MLLT10: variants seen among roughly 807,000 people sequenced by gnomAD.
MLLT10 encodes protein AF-10.
Under a neutral mutation model 129.1 loss-of-function variants are expected in MLLT10, and 30 were observed. The observed-to-expected ratio is 0.23, with a 90% CI of 0.17 to 0.32. The LOEUF is 0.32. Among genes scored for constraint, MLLT10 ranks in the 10% least tolerant of loss-of-function variants. The pLI is 1.00. For missense variants in MLLT10, 1,119 were observed against 1,268.3 expected, an observed-to-expected ratio of 0.88 and a Z score of 1.79; for synonymous variants, 490 against 446.4, an observed-to-expected ratio of 1.10 and a Z score of -1.23.
chr10:21,590,503 T>C (rs2042392383), intron 4 of MLLT10, among the ~76,000 whole-genome samples: 1 of 152,108 alleles, frequency 6.6e-6, no homozygotes, highest in South Asian at 2.1e-4. Context: ...CATGCCCAGC[T>C]AATTTTTGTA....
intron 3 of MLLT10, among the ~76,000 whole-genome samples, chr10:21,560,458 C>G (rs944412550): frequency 1.3e-4 from 20 of 152,112 alleles, no homozygotes; most frequent in Middle Eastern, 3.2e-3. Flanking sequence ...GTTTTTGAGA[C>G]AGGGTCTAGT....
chr10:21,659,987 CTT>C (rs1324313414), intron 9 of MLLT10, among the ~76,000 whole-genome samples: 1 of 151,644 alleles, frequency 6.6e-6, no homozygotes, highest in Non-Finnish European at 1.5e-5. Flanking sequence ...CTTGCTTAAA[CTT>C]TTTTTTGAGA....
intron 16 of MLLT10, among the ~76,000 whole-genome samples, chr10:21,729,265 C>T (rs772771878): frequency 6.6e-6 from 1 of 151,966 alleles, no homozygotes; most frequent in Non-Finnish European, 1.5e-5. Context: ...TTCTCTGTTG[C>T]CCTTTTAAAC....
At chr10:21,593,904 C>G (rs1000880904) in intron 4 of MLLT10, among the ~76,000 whole-genome samples, 1 of 112,000 alleles carries the variant, frequency 8.9e-6, no homozygotes, top group Non-Finnish European at 1.7e-5. Flanking sequence ...CCAGCCTGGG[C>G]GACAGACCAA....
intron 13 of MLLT10, among the ~76,000 whole-genome samples, chr10:21,705,279 TG>T (rs979688303): frequency 1.3e-5 from 2 of 151,868 alleles, no homozygotes; most frequent in African/African-American, 4.8e-5. Flanking sequence ...AGCAGCAGGG[TG>T]GGTAGGCCTA....
chr10:21,645,087 A>G (rs904862850), intron 8 of MLLT10, among the ~76,000 whole-genome samples: 2 of 152,186 alleles, frequency 1.3e-5, no homozygotes, highest in Non-Finnish European at 2.9e-5. Flanking sequence ...GTAGGAACAT[A>G]TAAAATCACC....
intron 3 of MLLT10, among the ~76,000 whole-genome samples, chr10:21,547,191 T>A (rs528090474): frequency 1.1e-4 from 16 of 152,200 alleles, no homozygotes; most frequent in Middle Eastern, 6.8e-3. Context: ...TTATTTTTTT[T>A]AATTCTCTGC....
intron 4 of MLLT10, among the ~76,000 whole-genome samples, chr10:21,588,826 C>CTT (rs1187261721): frequency 2.9e-5 from 4 of 137,076 alleles, no homozygotes; most frequent in Non-Finnish European, 3.2e-5. Context: ...TGATCTTTTT[C>CTT]TTTTTTTTTT....
Position 21,618,574 on chromosome 10 carries a change from G to C in MLLT10, c.699+1367G>C, listed in dbSNP as rs140555185. ...GGTAAACATTGTAGAAACTTAAGTAGTTTTGAGAGTAAATTCTCTATCATG... is the reference window on the plus strand; with the variant it reads ...GGTAAACATTGTAGAAACTTAAGTACTTTTGAGAGTAAATTCTCTATCATG... On this transcript the variant is annotated intron_variant, in intron 8 of 22. Transcript: ENST00000307729. Among the ~76,000 whole-genome samples the C allele has an allele frequency of 6.8e-3, 1,039 of 152,216 alleles. 7 individuals carry two copies. The highest frequency in any genetic ancestry group is 0.011 in the Non-Finnish European group (781 of 67,990).
intron 5 of MLLT10, among the ~76,000 whole-genome samples, chr10:21,603,237 T>C (rs76369941): frequency 1.3e-5 from 2 of 150,300 alleles, no homozygotes; most frequent in Non-Finnish European, 3.0e-5. Context: ...TTTTTTTTTT[T>C]TGTATTTTTA....
intron 10 of MLLT10, among the ~76,000 whole-genome samples, chr10:21,672,851 T>C (rs1418895100): frequency 6.6e-6 from 1 of 152,200 alleles, no homozygotes; most frequent in Admixed American, 6.5e-5. Flanking sequence ...CCTAGGAAAC[T>C]TCTTAAGTTC....
chr10:21,578,560 A>G (rs908989893), intron 3 of MLLT10, among the ~76,000 whole-genome samples: 19 of 152,000 alleles, frequency 1.3e-4, no homozygotes, highest in African/African-American at 4.3e-4. Context: ...CTTACCTCCT[A>G]TGTTTTTTTC....
chr10:21,617,238 G>T, intron 8 of MLLT10, 31 bp downstream of exon 8: 1 of 1,275,918 alleles, frequency 7.8e-7, no homozygotes, highest in Non-Finnish European at 1.1e-6. Flanking sequence ...TAAATTTGTA[G>T]CACATCTACT....
chr10:21,727,628 A>G (rs1451915835), intron 15 of MLLT10, among the ~76,000 whole-genome samples: 2 of 152,240 alleles, frequency 1.3e-5, no homozygotes, highest in African/African-American at 2.4e-5. Flanking sequence ...GAAAGAACAG[A>G]ACATAATCCA....
chr10:21,629,128 C>G (rs1446547491), intron 8 of MLLT10, among the ~76,000 whole-genome samples: 1 of 150,170 alleles, frequency 6.7e-6, no homozygotes, highest in Non-Finnish European at 1.5e-5. Flanking sequence ...TGAATTTTTT[C>G]TTAGGGCCTT....
At chr10:21,683,189 G>C (rs2052923498) in intron 13 of MLLT10, among the ~76,000 whole-genome samples, 1 of 152,142 alleles carries the variant, frequency 6.6e-6, no homozygotes, top group South Asian at 2.1e-4. Context: ...AGACACTCTT[G>C]TTGCCTTAAG....
intron 9 of MLLT10, among the ~76,000 whole-genome samples, chr10:21,656,819 G>C (rs1437754539): frequency 6.6e-6 from 1 of 152,154 alleles, no homozygotes; most frequent in East Asian, 1.9e-4. Context: ...TTATCAGAGG[G>C]AGTAAAAGTG....
chr10:21,571,829 C>T (rs2040240672), intron 3 of MLLT10: 2 of 152,100 alleles, frequency 1.3e-5, no homozygotes, highest in South Asian at 4.1e-4. Context: ...TTTATATGTC[C>T]TAAATACTGA....
chr10:21,646,518 G>A (rs1364147558), intron 8 of MLLT10, among the ~76,000 whole-genome samples: 1 of 150,910 alleles, frequency 6.6e-6, no homozygotes, highest in Non-Finnish European at 1.5e-5. Flanking sequence ...TTTTGGGGGG[G>A]TAGATAAGAG....
Sources: allele counts gnomAD v4.1 joint callset (sites outside exome capture counted in the v4.1 genomes callset), GRCh38; gene constraint gnomAD v4.1.1; transcripts MANE v1.5; gene names NCBI Gene and HGNC (gene_info 2026-07-23, HGNC 2026-07-21).